The following BPNT1 variants were observed in gnomAD, a reference collection of about 807,000 sequenced individuals.
The protein encoded by BPNT1 is 3'(2'),5'-bisphosphate nucleotidase 1.
In BPNT1, 28 loss-of-function variants were observed where a neutral mutation model predicts 36.9. That is an observed-to-expected ratio of 0.76 (90% CI 0.56 to 1.04). The LOEUF is 1.04. BPNT1 is among the 50% of genes least tolerant of loss of function. BPNT1 has a pLI of 0.00. For missense variants in BPNT1, 313 were observed against 372.9 expected (o/e 0.84, Z 1.32); for synonymous variants, 119 against 130.9 (o/e 0.91, Z 0.62).
At position 220,067,820 on chromosome 1, in the gene BPNT1, G is replaced by T. The variant is rs150702461; in HGVS notation, c.383-427C>A. Among the ~76,000 whole-genome samples the T allele has an allele frequency of 1.7e-3, 258 of 152,302 alleles. 5 individuals are homozygous for T. In the East Asian group the frequency reaches 0.041, roughly 24 times the overall value. On this transcript the variant is annotated intron_variant, in intron 5 of 8. Transcript: ENST00000322067. ...GCCCAAGGACTATCAAGCAGCATTA[G>T]AATTAACTGATGTACTTTTTATAAT... is the stretch of plus-strand genomic sequence containing the variant.
At chr1:220,073,042 C>G in intron 3 of BPNT1, 85 bp from the exon 4 acceptor site, 1 of 1,098,416 alleles carries the variant, frequency 9.1e-7, no homozygotes, top group East Asian at 2.4e-5. Flanking sequence ...AGAAATGCAG[C>G]ATCACAGTTT....
chr1:220,066,102 G>C, intron 6 of BPNT1: 1 of 1,521,398 alleles, frequency 6.6e-7, no homozygotes, highest in South Asian at 1.2e-5. Context: ...TCCCTTAACT[G>C]CTGTTTTTCA....
At chr1:220,063,879 A>G (rs1663284863) in intron 6 of BPNT1, among the ~76,000 whole-genome samples, 1 of 152,240 alleles carries the variant, frequency 6.6e-6, no homozygotes, top group Non-Finnish European at 1.5e-5. Context: ...CTACATTGTT[A>G]TAACTATACA....
At position 220,071,440 on chromosome 1, in the gene BPNT1, T is replaced by C. The variant is rs1664049127; in HGVS notation, c.333+1410A>G. On this transcript the variant is annotated intron_variant, in intron 4 of 8. Coordinates refer to ENST00000322067, the MANE Select transcript of BPNT1 (RefSeq NM_006085.6). The stretch of plus-strand genomic sequence containing the variant: ...GCAAATCTACTACATATCTACTAAA[T>C]AACAAATTAGATTTTCTTCCTAAAA... Among the ~76,000 whole-genome samples the C allele has an allele frequency of 1.3e-5, 2 of 152,142 alleles. 1 individual carries two copies. The highest frequency in any genetic ancestry group is 4.1e-4 in the South Asian group (2 of 4,832).
intron 7 of BPNT1, among the ~76,000 whole-genome samples, chr1:220,060,140 A>G (rs893733953): frequency 2.0e-5 from 3 of 152,172 alleles, no homozygotes; most frequent in African/African-American, 7.2e-5. Context: ...ATACATTTAC[A>G]GCAGAATTAA....
Position 220,074,067 on chromosome 1 carries a change from C to A in BPNT1, c.125G>T (p.Cys42Phe), listed in dbSNP as rs1664328595. 6.2e-7 allele frequency: 1 copy of A among 1,613,218 alleles called. No individual in the cohort carries two copies. Among genetic ancestry groups the A allele is most frequent in the Non-Finnish European group, 8.5e-7 (1 of 1,179,868 alleles). The change falls in exon 3 of 9, where the codon TGT becomes TTT. Residue 42 changes from cysteine to phenylalanine, a missense_variant. Physicochemically the swap from Cys to Phe is radical, Grantham distance 205 (BLOSUM62 -2). Transcript: ENST00000322067. ...AGCTTTGGTCTGCAGGTCTGTTGCA[C>A]AGGTCTGTAATAAAGAATGCAAATT... ...EGDLGIVEKT[C>F]ATDLQTKADR...
At chr1:220,075,041 G>A (rs970699381) in intron 2 of BPNT1, among the ~76,000 whole-genome samples, 1 of 151,970 alleles carries the variant, frequency 6.6e-6, no homozygotes, top group Non-Finnish European at 1.5e-5. Flanking sequence ...AGTAGAATTT[G>A]TTTGTTTGTT....
At chr1:220,076,714 T>A (rs979014787) in intron 2 of BPNT1, among the ~76,000 whole-genome samples, 5 of 148,572 alleles carry the variant, frequency 3.4e-5, no homozygotes, top group African/African-American at 1.2e-4. Flanking sequence ...ATAATAATAA[T>A]AATAATAATA....
In BPNT1 at chr1:220,073,536, C is replaced by T. The variant is rs180904445; in HGVS notation, c.225+431G>A. ...CTTGAACTCCTGACCTCGTGATTCG[C>T]CCGCCTCAGCCTCCCAAAGTGCTGG... On this transcript the variant is annotated intron_variant, in intron 3 of 8. Coordinates refer to ENST00000322067, the MANE Select transcript of BPNT1 (RefSeq NM_006085.6). Among the ~76,000 whole-genome samples, 140 of 152,306 alleles carry T rather than the reference C, an allele frequency of 9.2e-4. 2 individuals carry two copies. In the East Asian group the frequency reaches 0.023, roughly 25 times the overall value.
rs892687669 is a variant in BPNT1 at position 220,058,760 on chromosome 1, C to T, written c.*84G>A. ...CCCAGGCTGGTCTCAAACTCCTGAG[C>T]TCAAGTGATCCACCTGCCTCGGCCT... is the stretch of plus-strand genomic sequence containing the variant. On this transcript the variant is annotated 3_prime_UTR_variant, in exon 9 of 9. Coordinates refer to ENST00000322067, the MANE Select transcript of BPNT1 (RefSeq NM_006085.6). The T allele has an allele frequency of 4.4e-6, 6 of 1,356,402 alleles. No homozygotes were observed. In the African/African-American group the frequency reaches 5.7e-5, roughly 13 times the overall value. 84.0% of individuals were successfully genotyped at this position (1,356,402 alleles called of 1,614,324 possible). A position where few individuals can be genotyped will look rare whatever the true frequency, so the allele number is the denominator to read the frequency against.
chr1:220,087,427 C>T lies in BPNT1; in HGVS notation c.-9+2259G>A, dbSNP rs749023183. The stretch of plus-strand genomic sequence containing the variant: ...AAAATTAGCCGGGCTTGGTGGCACG[C>T]GCCTGTAATCCCAGCTACTCAGGAG... On this transcript the variant is annotated intron_variant, in intron 1 of 8. Transcript: ENST00000322067. 6.8e-4 allele frequency among the ~76,000 whole-genome samples: 104 copies of T among 151,976 alleles called. 1 individual carries two copies. The highest frequency in any genetic ancestry group is 3.4e-4 in the Non-Finnish European group (23 of 67,990).
At chr1:220,079,484 C>A (rs765527421) in intron 2 of BPNT1, among the ~76,000 whole-genome samples, 13 of 152,010 alleles carry the variant, frequency 8.6e-5, no homozygotes, top group Non-Finnish European at 1.8e-4. Flanking sequence ...AAACTCCTGA[C>A]CTCATCATCC....
intron 4 of BPNT1, among the ~76,000 whole-genome samples, chr1:220,072,493 T>G (rs1664155487): frequency 1.3e-5 from 2 of 152,190 alleles, no homozygotes; most frequent in South Asian, 4.1e-4. Flanking sequence ...TTTTGTATTT[T>G]TTGTTGAGAC....
At chr1:220,077,974 T>TGA (rs780020695) in intron 2 of BPNT1, among the ~76,000 whole-genome samples, 13 of 152,052 alleles carry the variant, frequency 8.5e-5, no homozygotes, top group Non-Finnish European at 1.3e-4. Flanking sequence ...GCCAGGAGTT[T>TGA]GAGACCAGCC....
chr1:220,059,243 CTTTTTTT>C (rs11292010), intron 8 of BPNT1, among the ~76,000 whole-genome samples: 3 of 57,866 alleles, frequency 5.2e-5, no homozygotes, highest in African/African-American at 2.3e-4. Context: ...ATTTTCTTTT[CTTTTTTT>C]TTTTTTTTTT....
chr1:220,083,133 A>C (rs1655355818), intron 1 of BPNT1, among the ~76,000 whole-genome samples: 2 of 150,656 alleles, frequency 1.3e-5, no homozygotes, highest in Non-Finnish European at 3.0e-5. Context: ...GCTACTCAGG[A>C]GGCTGAGGCA....
intron 6 of BPNT1, among the ~76,000 whole-genome samples, chr1:220,066,309 T>G (rs1316881635): frequency 1.3e-5 from 2 of 152,150 alleles, no homozygotes; most frequent in African/African-American, 4.8e-5. Flanking sequence ...TGTCTGTATA[T>G]AACAGTATCA....
At chr1:220,081,123 C>T (rs532001564) in intron 1 of BPNT1, among the ~76,000 whole-genome samples, 133 of 152,236 alleles carry the variant, frequency 8.7e-4, no homozygotes, top group African/African-American at 3.1e-3. Flanking sequence ...TTTTAGTGGA[C>T]ACGGGGTTGC....
intron 2 of BPNT1, among the ~76,000 whole-genome samples, chr1:220,077,971 G>A (rs1664706570): frequency 6.6e-6 from 1 of 151,988 alleles, no homozygotes; most frequent in South Asian, 2.1e-4. Flanking sequence ...GAAGCCAGGA[G>A]TTTGAGACCA....
Sources: allele counts gnomAD v4.1 joint callset (sites outside exome capture counted in the v4.1 genomes callset), GRCh38; gene constraint gnomAD v4.1.1; transcripts MANE v1.5; gene names NCBI Gene and HGNC (gene_info 2026-07-23, HGNC 2026-07-21).